TNFSF9: variants seen among roughly 807,000 people sequenced by gnomAD.
TNFSF9 encodes TNF superfamily member 9.
TNFSF9 carries 10 observed loss-of-function variants against 10.3 expected under a neutral mutation model. The observed-to-expected ratio is 0.97, with a 90% CI of 0.60 to 1.65. The LOEUF is 1.65. Ranked by LOEUF, TNFSF9 falls within the 40% of genes most tolerant of loss-of-function variation. The probability of loss-of-function intolerance (pLI) is 0.00; values close to 1 mark genes in which losing one functional copy is unlikely to be tolerated. For synonymous variants in TNFSF9, 195 were observed against 176.1 expected (o/e 1.11, Z -0.85); for missense variants, 361 against 348.9 (o/e 1.03, Z -0.28).
chr19:6,535,531 C>T lies in TNFSF9; in HGVS notation c.*465C>T, dbSNP rs1486994838. ...ATCTGTAATGTGCCAGCATTGTGCC[C>T]AGGCTAGGGGGCTATAGAAACATCT... On this transcript the variant is annotated 3_prime_UTR_variant, in exon 3 of 3. Transcript: ENST00000245817. The T allele has an allele frequency of 6.6e-6, 1 of 151,968 alleles. No homozygotes were observed. The highest frequency in any genetic ancestry group is 1.5e-5 in the Non-Finnish European group (1 of 68,014). 9.4% of individuals were successfully genotyped at this position (151,968 alleles called of 1,614,324 possible). A position where few individuals can be genotyped will look rare whatever the true frequency, so the allele number is the denominator to read the frequency against.
At chr19:6,533,342 G>C (rs931797058) in intron 2 of TNFSF9, among the ~76,000 whole-genome samples, 7 of 102,744 alleles carry the variant, frequency 6.8e-5, no homozygotes, top group Admixed American at 1.2e-4. Flanking sequence ...TGCTCTCCCA[G>C]TTTCCAAGAC....
Position 6,534,985 on chromosome 19 carries a change from T to A in TNFSF9, c.684T>A (p.Leu228=). The change falls in exon 3 of 3, where the codon CTT becomes CTA. Residue 228 remains leucine (L), a synonymous_variant. Coordinates refer to ENST00000245817, the MANE Select transcript of TNFSF9 (RefSeq NM_003811.4). ...TEARARHAWQ[L]TQGATVLGLF... ...CCAGGGCACGCCATGCCTGGCAGCT[T>A]ACCCAGGGCGCCACAGTCTTGGGAC... is the stretch of plus-strand genomic sequence containing the variant. 2 of 1,610,578 alleles carry A rather than the reference T, an allele frequency of 1.2e-6. No homozygotes were observed. Among genetic ancestry groups the A allele is most frequent in the Non-Finnish European group, 1.7e-6 (2 of 1,178,578 alleles).
At chr19:6,533,915 C>A (rs1336873963) in intron 2 of TNFSF9, among the ~76,000 whole-genome samples, 1 of 49,856 alleles carries the variant, frequency 2.0e-5, no homozygotes, top group Non-Finnish European at 3.8e-5. Context: ...TGCCTTTCTT[C>A]GAAGTCCTCT....
rs759312734 is a variant in TNFSF9 at position 6,534,896 on chromosome 19, T to G, written c.595T>G (p.Phe199Val). 1 of 1,608,216 alleles carries G rather than the reference T, an allele frequency of 6.2e-7. No homozygotes were observed. Among genetic ancestry groups the G allele is most frequent in the Non-Finnish European group, 8.5e-7 (1 of 1,179,196 alleles). Residue 199 changes from phenylalanine (F) to valine (V), a missense_variant, in exon 3 of 3, where the codon TTC becomes GTC. By Grantham distance (50) the Phe-to-Val change is conservative. Coordinates refer to ENST00000245817, the MANE Select transcript of TNFSF9 (RefSeq NM_003811.4). The part of the protein sequence containing the change: ...SSEARNSAFG[F>V]QGRLLHLSAG... ...CGAGGCTCGGAACTCGGCCTTCGGT[T>G]TCCAGGGCCGCTTGCTGCACCTGAG...
chr19:6,534,769 G>C lies in TNFSF9; in HGVS notation c.468G>C (p.Glu156Asp). 1 of 1,599,682 alleles carries C rather than the reference G, an allele frequency of 6.3e-7. No homozygotes were observed. The highest frequency in any genetic ancestry group is 8.5e-7 in the Non-Finnish European group (1 of 1,173,940). ...QLELRRVVAG[E>D]GSGSVSLALH... ...AGCTGCGGCGCGTGGTGGCCGGCGA[G>C]GGCTCAGGCTCCGTTTCACTTGCGC... is the stretch of plus-strand genomic sequence containing the variant. Residue 156 changes from glutamate to aspartate, a missense_variant, in exon 3 of 3, where the codon GAG (glutamate) becomes GAC (aspartate). Glu to Asp is a conservative substitution (Grantham distance 45). Coordinates refer to ENST00000245817, the MANE Select transcript of TNFSF9 (RefSeq NM_003811.4).
intron 1 of TNFSF9, 124 bp downstream of exon 1, chr19:6,531,427 GA>G: frequency 1.5e-6 from 2 of 1,306,088 alleles, no homozygotes; most frequent in Non-Finnish European, 2.0e-6. Context: ...GGGGAGAGGA[GA>G]CCCACCGGGG....
At chr19:6,531,419 G>A in intron 1 of TNFSF9, 116 bp downstream of exon 1, 1 of 1,333,216 alleles carries the variant, frequency 7.5e-7, no homozygotes, top group South Asian at 1.8e-5. Flanking sequence ...TCCCGGCCGG[G>A]GAGAGGAGAC....
At position 6,531,112 on chromosome 19, in the gene TNFSF9, G is replaced by C. The variant is rs767006317; in HGVS notation, c.76G>C (p.Val26Leu). ...PPAPRARACR[V>L]LPWALVAGLL... The stretch of plus-strand genomic sequence containing the variant: ...CGCGCCCCGCGCTCGCGCCTGCCGC[G>C]TACTGCCTTGGGCCCTGGTCGCGGG... Residue 26 changes from valine to leucine, a missense_variant, in exon 1 of 3, where the codon GTA becomes CTA. Physicochemically the swap from Val to Leu is conservative, Grantham distance 32. Coordinates refer to ENST00000245817, the MANE Select transcript of TNFSF9 (RefSeq NM_003811.4). 3.1e-6 allele frequency: 5 copies of C among 1,610,564 alleles called. No individual in the cohort carries two copies.
In TNFSF9 at chr19:6,534,843, T is replaced by C. The variant is rs1431855077; in HGVS notation, c.542T>C (p.Leu181Ser). The change falls in exon 3 of 3, where the codon TTG becomes TCG. Residue 181 changes from leucine to serine, a missense_variant. By Grantham distance (145) the Leu-to-Ser change is moderately radical. Transcript: ENST00000245817. ...GCTGCTGGGGCCGCCGCCCTGGCTT[T>C]GACCGTGGACCTGCCACCCGCCTCC... ...RSAAGAAALA[L>S]TVDLPPASSE... 1 of 1,607,080 alleles carries C rather than the reference T, an allele frequency of 6.2e-7. No individual in the cohort carries two copies. The highest frequency in any genetic ancestry group is 8.5e-7 in the Non-Finnish European group (1 of 1,178,608).
In TNFSF9 at chr19:6,531,178, T is replaced by C; in HGVS notation, c.142T>C (p.Phe48Leu). Residue 48 changes from phenylalanine (F) to leucine (L), a missense_variant, in exon 1 of 3, where the codon TTC (phenylalanine) becomes CTC (leucine). Phe to Leu is a conservative substitution (Grantham distance 22). Transcript: ENST00000245817. ...LLLLAAACAV[F>L]LACPWAVSGA... ...GCTGCTCGCTGCCGCCTGCGCCGTC[T>C]TCCTCGCCTGCCCCTGGGCCGTGTC... 1 of 1,589,298 alleles carries C rather than the reference T, an allele frequency of 6.3e-7. No homozygotes were observed. The highest frequency in any genetic ancestry group is 8.6e-7 in the Non-Finnish European group (1 of 1,168,128).
Position 6,532,772 on chromosome 19 carries a change from T to C in TNFSF9, c.268-14T>C, listed in dbSNP as rs1915177457. 3 of 1,613,736 alleles carry C rather than the reference T, an allele frequency of 1.9e-6. No homozygotes were observed. In the East Asian group the frequency reaches 6.7e-5, roughly 36 times the overall value. ...GGAACCCCCATCCACTTTCCTCCTT[T>C]CTACTTTTAACAGGGCATGTTTGCG... On this transcript the variant is annotated splice_polypyrimidine_tract_variant and intron_variant, in intron 1 of 2. Coordinates refer to ENST00000245817, the MANE Select transcript of TNFSF9 (RefSeq NM_003811.4).
intron 1 of TNFSF9, 63 bp from the exon 2 acceptor site, chr19:6,532,723 G>A (rs1915176442): frequency 6.2e-7 from 1 of 1,612,348 alleles, no homozygotes; most frequent in African/African-American, 1.3e-5. Context: ...GAAGTGAGTG[G>A]GGACAGAACC....
In TNFSF9 at chr19:6,533,451, T is replaced by G. The variant is rs529500277; in HGVS notation, c.298+635T>G. ...AGAGACCCCCTTCCCCCTTCCCCTC[T>G]CCATCTAGAGATCACTTCCCCCTTT... On this transcript the variant is annotated intron_variant, in intron 2 of 2. Coordinates refer to ENST00000245817, the MANE Select transcript of TNFSF9 (RefSeq NM_003811.4). Among the ~76,000 whole-genome samples, 4 of 28,514 alleles carry G rather than the reference T, an allele frequency of 1.4e-4. No homozygotes were observed. In the East Asian group the frequency reaches 5.2e-3, roughly 37 times the overall value. 18.7% of individuals were successfully genotyped at this position (28,514 alleles called of 152,430 possible).
At position 6,535,289 on chromosome 19, in the gene TNFSF9, A is replaced by T. The variant is rs1055443808; in HGVS notation, c.*223A>T. ...GCTCAGATAATATATTATATATATT[A>T]TATATATATATATATTTCTATTTAA... On this transcript the variant is annotated 3_prime_UTR_variant, in exon 3 of 3. Transcript: ENST00000245817. 15 of 131,948 alleles carry T rather than the reference A, an allele frequency of 1.1e-4. No homozygotes were observed. Among genetic ancestry groups the T allele is most frequent in the African/African-American group, 2.9e-4 (8 of 27,564 alleles). 8.2% of individuals were successfully genotyped at this position (131,948 alleles called of 1,614,324 possible). A position where few individuals can be genotyped will look rare whatever the true frequency, so the allele number is the denominator to read the frequency against.
chr19:6,534,131 C>T (rs571264666), intron 2 of TNFSF9, among the ~76,000 whole-genome samples: 40 of 146,396 alleles, frequency 2.7e-4, no homozygotes, highest in African/African-American at 9.9e-4. Context: ...AACCCCCTCA[C>T]CGCCCTCTCC....
intron 2 of TNFSF9, 117 bp downstream of exon 2, chr19:6,532,933 G>A (rs372566066): frequency 4.9e-6 from 7 of 1,438,442 alleles, no homozygotes; most frequent in African/African-American, 1.4e-5. Flanking sequence ...ACCCTTGACC[G>A]CTGCTGTCTC....
At chr19:6,534,322 C>T (rs1915217049) in intron 2 of TNFSF9, among the ~76,000 whole-genome samples, 1 of 151,584 alleles carries the variant, frequency 6.6e-6, no homozygotes, top group African/African-American at 2.4e-5. Flanking sequence ...TTCCCTTCCT[C>T]TGTTCTATCC....
intron 2 of TNFSF9, among the ~76,000 whole-genome samples, 196 bp from the exon 3 acceptor site, chr19:6,534,404 G>C (rs1568420748): frequency 2.1e-5 from 2 of 96,208 alleles, no homozygotes; most frequent in Non-Finnish European, 4.6e-5. Flanking sequence ...TCTTCAATCA[G>C]CACCCCCCCA....
rs201443100 is a variant in TNFSF9, at chr19:6,531,231, G to C, written c.195G>C (p.Ala65=). The C allele has an allele frequency of 4.5e-4, 688 of 1,533,020 alleles. 5 individuals carry two copies. In the African/African-American group the frequency reaches 8.9e-3, roughly 20 times the overall value. 95.0% of individuals were successfully genotyped at this position (1,533,020 alleles called of 1,614,324 possible). ...GGGCTCGCGCCTCGCCCGGCTCCGC[G>C]GCCAGCCCGAGACTCCGCGAGGGTC... is the stretch of plus-strand genomic sequence containing the variant. ...VSGARASPGS[A]ASPRLREGPE... The change falls in exon 1 of 3, where the codon GCG becomes GCC. Residue 65 remains alanine (A), a synonymous_variant. Transcript: ENST00000245817.
Sources: allele counts gnomAD v4.1 joint callset (sites outside exome capture counted in the v4.1 genomes callset), GRCh38; gene constraint gnomAD v4.1.1; transcripts MANE v1.5; gene names NCBI Gene and HGNC (gene_info 2026-07-23, HGNC 2026-07-21).